SLC24A3: variants seen among roughly 807,000 people sequenced by gnomAD.
The protein encoded by SLC24A3 is sodium/potassium/calcium exchanger 3.
Under a neutral mutation model 75.8 loss-of-function variants are expected in SLC24A3, and 28 were observed. The ratio of observed to expected loss-of-function variants is 0.37; its 90% CI spans 0.27 to 0.51. The LOEUF (loss-of-function observed/expected upper bound fraction) is 0.51. Among genes scored for constraint, SLC24A3 ranks in the 20% least tolerant of loss-of-function variants. The pLI is 0.94. For missense variants in SLC24A3, 663 were observed against 847.8 expected, an observed-to-expected ratio of 0.78 and a Z score of 2.71; for synonymous variants, 372 against 334.1, an observed-to-expected ratio of 1.11 and a Z score of -1.24.
intron 6 of SLC24A3, among the ~76,000 whole-genome samples, chr20:19,612,799 C>T (rs1480646344): frequency 1.3e-5 from 2 of 152,162 alleles, no homozygotes; most frequent in African/African-American, 4.8e-5. Context: ...GGTGGGTGCT[C>T]TGTGCCCCAC....
chr20:19,410,515 A>G (rs1463299846), intron 2 of SLC24A3, among the ~76,000 whole-genome samples: 34 of 152,302 alleles, frequency 2.2e-4, no homozygotes, highest in African/African-American at 9.6e-5. Flanking sequence ...GACAATAAGT[A>G]TGTATCAGAT....
intron 1 of SLC24A3, among the ~76,000 whole-genome samples, chr20:19,270,102 C>T (rs566199648): frequency 1.3e-5 from 2 of 152,168 alleles, no homozygotes; most frequent in Non-Finnish European, 2.9e-5. Context: ...TGCATTGCTC[C>T]TGAACTTGCA....
chr20:19,694,177 T>A (rs2032778626), intron 13 of SLC24A3: 1 of 152,198 alleles, frequency 6.6e-6, no homozygotes, highest in South Asian at 2.1e-4. Context: ...AACAAAGCCA[T>A]TTTAGGAAAC....
At chr20:19,670,410 C>T (rs1481959253) in intron 8 of SLC24A3, among the ~76,000 whole-genome samples, 1 of 152,204 alleles carries the variant, frequency 6.6e-6, no homozygotes, top group African/African-American at 2.4e-5. Context: ...CAAGGAATCT[C>T]ATCCTACAGG....
intron 2 of SLC24A3, among the ~76,000 whole-genome samples, chr20:19,398,780 T>G (rs1002405550): frequency 9.2e-5 from 14 of 152,314 alleles, no homozygotes; most frequent in African/African-American, 3.4e-4. Context: ...CATTTAATCT[T>G]TCACTATTAG....
At chr20:19,269,345 A>G (rs1188434914) in intron 1 of SLC24A3, among the ~76,000 whole-genome samples, 1 of 152,198 alleles carries the variant, frequency 6.6e-6, no homozygotes, top group African/African-American at 2.4e-5. Flanking sequence ...TCAGGAGCTC[A>G]GAAGGGGATA....
At chr20:19,381,740 G>A (rs904109863) in intron 2 of SLC24A3, among the ~76,000 whole-genome samples, 2 of 152,200 alleles carry the variant, frequency 1.3e-5, no homozygotes, top group Non-Finnish European at 2.9e-5. Flanking sequence ...AGTTAGGTGA[G>A]CAGCTATTTA....
At chr20:19,263,171 C>T (rs908942686) in intron 1 of SLC24A3, among the ~76,000 whole-genome samples, 1 of 152,028 alleles carries the variant, frequency 6.6e-6, no homozygotes, top group African/African-American at 2.4e-5. Flanking sequence ...ACTTGCTGAC[C>T]TTGGCTGGTA....
intron 6 of SLC24A3, among the ~76,000 whole-genome samples, chr20:19,646,841 C>CTGTG (rs74180956): frequency 0.28 from 39,768 of 144,562 alleles, 6,310 homozygotes; most frequent in Non-Finnish European, 0.38. Context: ...TTACAAAACT[C>CTGTG]TGTGTGTGTG....
chr20:19,315,075 G>A (rs75576780), intron 2 of SLC24A3, among the ~76,000 whole-genome samples: 72 of 152,292 alleles, frequency 4.7e-4, no homozygotes, highest in East Asian at 4.6e-3. Flanking sequence ...AGGCACCCGC[G>A]TTCTGTCCCA....
chr20:19,552,483 T>A (rs991125159), intron 3 of SLC24A3, among the ~76,000 whole-genome samples: 16 of 152,308 alleles, frequency 1.1e-4, no homozygotes, highest in African/African-American at 3.8e-4. Flanking sequence ...TACATAGAAG[T>A]TCAGAAAAGT....
intron 2 of SLC24A3, among the ~76,000 whole-genome samples, chr20:19,397,458 G>A (rs576647256): frequency 6.6e-6 from 1 of 152,284 alleles, no homozygotes; most frequent in African/African-American, 2.4e-5. Flanking sequence ...GAGCCCAGGA[G>A]TTGAGCAGTG....
chr20:19,557,556 T>C (rs561225456), intron 3 of SLC24A3, among the ~76,000 whole-genome samples: 285 of 152,218 alleles, frequency 1.9e-3, no homozygotes, highest in Admixed American at 4.4e-3. Context: ...TCAGCTCCCA[T>C]AAGCCGTCTG....
At chr20:19,325,264 AAATAATAAT>A (rs372287889) in intron 2 of SLC24A3, among the ~76,000 whole-genome samples, 47 of 150,584 alleles carry the variant, frequency 3.1e-4, no homozygotes, top group Admixed American at 9.9e-4. Flanking sequence ...CTGCACTACA[AAATAATAAT>A]AATAATAATA....
At chr20:19,680,978 C>T (rs374293069) in intron 9 of SLC24A3, among the ~76,000 whole-genome samples, 6 of 152,160 alleles carry the variant, frequency 3.9e-5, no homozygotes, top group African/African-American at 1.4e-4. Context: ...GTCCCATGGC[C>T]AGTAAACGAT....
At chr20:19,678,845 C>T (rs1357471982) in intron 9 of SLC24A3, among the ~76,000 whole-genome samples, 20 of 151,006 alleles carry the variant, frequency 1.3e-4, no homozygotes, top group African/African-American at 4.4e-4. Flanking sequence ...TGGGCAGAGA[C>T]GCTCCTCACC....
At chr20:19,590,113 G>C (rs754715457) in intron 6 of SLC24A3, among the ~76,000 whole-genome samples, 1 of 151,506 alleles carries the variant, frequency 6.6e-6, no homozygotes, top group African/African-American at 2.4e-5. Context: ...GTATTAGATA[G>C]GTGCAAAAGT....
intron 2 of SLC24A3, among the ~76,000 whole-genome samples, chr20:19,479,511 G>T (rs1373562096): frequency 1.3e-5 from 2 of 152,240 alleles, no homozygotes; most frequent in South Asian, 4.1e-4. Context: ...AAACCCCTGA[G>T]TGAAGATTCA....
At chr20:19,506,875 A>G (rs1431439868) in intron 2 of SLC24A3, among the ~76,000 whole-genome samples, 1 of 152,160 alleles carries the variant, frequency 6.6e-6, no homozygotes, top group Non-Finnish European at 1.5e-5. Flanking sequence ...AAATTTTCCA[A>G]TGTTATTAAG....
Sources: allele counts gnomAD v4.1 joint callset (sites outside exome capture counted in the v4.1 genomes callset), GRCh38; gene constraint gnomAD v4.1.1; transcripts MANE v1.5; gene names NCBI Gene and HGNC (gene_info 2026-07-23, HGNC 2026-07-21).